The following SGCD variants were observed in gnomAD, a reference collection of about 807,000 sequenced individuals.
The protein encoded by SGCD is sarcoglycan delta, also known as delta-sarcoglycan.
SGCD carries 18 observed loss-of-function variants against 36.6 expected under a neutral mutation model. The ratio of observed to expected loss-of-function variants is 0.49; its 90% CI spans 0.34 to 0.73. SGCD has a LOEUF of 0.73. Among genes scored for constraint, SGCD ranks in the 30% least tolerant of loss-of-function variants. The probability of loss-of-function intolerance (pLI) is 0.01; values close to 1 mark genes in which losing one functional copy is unlikely to be tolerated. For synonymous variants in SGCD, 133 were observed against 130.6 expected (o/e 1.02, Z -0.12); for missense variants, 387 against 346.7 (o/e 1.12, Z -0.92).
chr5:156,152,020 G>A (rs73811512), intron 3 of SGCD, among the ~76,000 whole-genome samples: 8,330 of 150,988 alleles, frequency 0.055, 756 homozygotes, highest in African/African-American at 0.16. Flanking sequence ...TTGTATTGAG[G>A]TATTGATTTA....
At chr5:156,272,894 G>C (rs1363020048) in intron 3 of SGCD, among the ~76,000 whole-genome samples, 1 of 152,090 alleles carries the variant, frequency 6.6e-6, no homozygotes, top group Non-Finnish European at 1.5e-5. Context: ...GGCTGCTTTT[G>C]AGCCCTACAA....
chr5:156,286,024 G>A (rs1407030657), intron 3 of SGCD, among the ~76,000 whole-genome samples: 1 of 152,178 alleles, frequency 6.6e-6, no homozygotes, highest in Non-Finnish European at 1.5e-5. Context: ...GATATGAACA[G>A]ACACTTCTCA....
At chr5:156,421,705 CAGCACTTGA>C (rs1373068100) in intron 3 of SGCD, among the ~76,000 whole-genome samples, 3 of 152,038 alleles carry the variant, frequency 2.0e-5, no homozygotes, top group African/African-American at 7.2e-5. Flanking sequence ...GCGCTTTTAG[CAGCACTTGA>C]AGCTCTCTGT....
chr5:155,907,998 C>T (rs939243588), intron 1 of SGCD, among the ~76,000 whole-genome samples: 10 of 152,152 alleles, frequency 6.6e-5, no homozygotes, highest in African/African-American at 2.4e-4. Flanking sequence ...CACTCCAACA[C>T]TGAGCAATTA....
chr5:156,491,902 C>T (rs555965249), intron 3 of SGCD, among the ~76,000 whole-genome samples: 8 of 152,214 alleles, frequency 5.3e-5, no homozygotes, highest in Middle Eastern at 3.4e-3. Flanking sequence ...CCTGGCATCT[C>T]ATTCTGGGAG....
chr5:156,692,253 A>G (rs962436933), intron 7 of SGCD, among the ~76,000 whole-genome samples: 1 of 152,200 alleles, frequency 6.6e-6, no homozygotes, highest in Non-Finnish European at 1.5e-5. Context: ...TTTTCTTCTC[A>G]TCTAACAATT....
chr5:156,359,630 A>C (rs1012597939), intron 3 of SGCD, among the ~76,000 whole-genome samples: 2 of 152,174 alleles, frequency 1.3e-5, no homozygotes, highest in Non-Finnish European at 2.9e-5. Context: ...TACTGTCTCC[A>C]TTCCTCAGAG....
intron 4 of SGCD, among the ~76,000 whole-genome samples, chr5:156,511,688 T>C (rs1417883320): frequency 6.6e-6 from 1 of 152,204 alleles, no homozygotes; most frequent in Non-Finnish European, 1.5e-5. Flanking sequence ...TTGGTTTTTA[T>C]TCCTTATAAC....
chr5:156,265,429 C>T (rs1052152648), intron 3 of SGCD, among the ~76,000 whole-genome samples: 6 of 151,778 alleles, frequency 4.0e-5, no homozygotes, highest in African/African-American at 1.5e-4. Flanking sequence ...AATTGATCCT[C>T]ATTACGTTTT....
intron 3 of SGCD, among the ~76,000 whole-genome samples, chr5:156,155,471 A>C (rs981923490): frequency 1.3e-5 from 2 of 151,578 alleles, no homozygotes; most frequent in Admixed American, 6.6e-5. Flanking sequence ...TGTTATAAAA[A>C]CACTGTGGAG....
the SGCD span, among the ~76,000 whole-genome samples, chr5:155,808,447 A>T: frequency 6.6e-6 from 1 of 152,196 alleles, no homozygotes; most frequent in Non-Finnish European, 1.5e-5. Flanking sequence ...AATGAGAGAC[A>T]GAGACACCAG....
chr5:156,436,141 C>T (rs1580990079), intron 3 of SGCD, among the ~76,000 whole-genome samples: 1 of 152,216 alleles, frequency 6.6e-6, no homozygotes, highest in African/African-American at 2.4e-5. Flanking sequence ...GGACCAGGTA[C>T]CACCCACAGC....
chr5:155,731,280 A>G, the SGCD span, among the ~76,000 whole-genome samples: 262 of 151,984 alleles, frequency 1.7e-3, no homozygotes, highest in African/African-American at 6.1e-3. Context: ...AAAGGGATGG[A>G]AGGGAAAATA....
intron 3 of SGCD, among the ~76,000 whole-genome samples, chr5:156,456,390 G>A (rs909168383): frequency 6.6e-6 from 1 of 152,152 alleles, no homozygotes; most frequent in African/African-American, 2.4e-5. Context: ...GGTGCTTCTG[G>A]CAAGGTCTTA....
chr5:155,956,943 C>A (rs1256353981), intron 1 of SGCD, among the ~76,000 whole-genome samples: 1 of 151,978 alleles, frequency 6.6e-6, no homozygotes, highest in Admixed American at 6.6e-5. Flanking sequence ...ACAATTCAAC[C>A]CACTTCACTT....
At chr5:156,445,108 C>T (rs537992441) in intron 3 of SGCD, among the ~76,000 whole-genome samples, 1 of 152,280 alleles carries the variant, frequency 6.6e-6, no homozygotes, top group East Asian at 1.9e-4. Flanking sequence ...ATTTCCTTTG[C>T]CACTGAGAAG....
chr5:155,848,438 G>A, the SGCD span, among the ~76,000 whole-genome samples: 2 of 152,138 alleles, frequency 1.3e-5, no homozygotes, highest in African/African-American at 2.4e-5. Flanking sequence ...AAAAGCATTG[G>A]TTATGATATC....
chr5:155,904,537 A>G (rs1756457597), intron 1 of SGCD, among the ~76,000 whole-genome samples: 1 of 152,182 alleles, frequency 6.6e-6, no homozygotes, highest in South Asian at 2.1e-4. Context: ...TAAAATATAT[A>G]ATGGAATATT....
At chr5:155,914,275 A>G (rs1162691070) in intron 1 of SGCD, among the ~76,000 whole-genome samples, 1 of 152,200 alleles carries the variant, frequency 6.6e-6, no homozygotes, top group African/African-American at 2.4e-5. Context: ...ATATACTATC[A>G]TTACAACAGA....
Sources: allele counts gnomAD v4.1 joint callset (sites outside exome capture counted in the v4.1 genomes callset), GRCh38; gene constraint gnomAD v4.1.1; transcripts MANE v1.5; gene names NCBI Gene and HGNC (gene_info 2026-07-23, HGNC 2026-07-21).